PDE10A: variants seen among roughly 807,000 people sequenced by gnomAD.
PDE10A encodes the protein cAMP and cAMP-inhibited cGMP 3',5'-cyclic phosphodiesterase 10A.
In PDE10A, 39 loss-of-function variants were observed where a neutral mutation model predicts 97.7. The ratio of observed to expected loss-of-function variants is 0.40; its 90% confidence interval spans 0.31 to 0.52. The LOEUF is 0.52. PDE10A is among the 20% of genes least tolerant of loss of function. PDE10A has a pLI of 0.56. For missense variants in PDE10A, 731 were observed against 1,047.8 expected, an observed-to-expected ratio of 0.70 and a Z score of 4.17; for synonymous variants, 371 against 376.8, an observed-to-expected ratio of 0.98 and a Z score of 0.18.
At chr6:165,871,420 G>A (rs1408175315) in intron 1 of PDE10A, among the ~76,000 whole-genome samples, 4 of 152,218 alleles carry the variant, frequency 2.6e-5, no homozygotes, top group African/African-American at 9.6e-5. Flanking sequence ...TGGTGAGACA[G>A]CACTCCCGAT....
intron 1 of PDE10A, among the ~76,000 whole-genome samples, chr6:165,687,257 A>T (rs765636234): frequency 6.6e-5 from 10 of 152,236 alleles, no homozygotes; most frequent in African/African-American, 9.6e-5. Flanking sequence ...TGGGAGTTTC[A>T]TATCCACGTG....
chr6:165,931,937 C>T (rs991822668), intron 1 of PDE10A, among the ~76,000 whole-genome samples: 2 of 152,146 alleles, frequency 1.3e-5, no homozygotes, highest in East Asian at 1.9e-4. Flanking sequence ...CCACACCCTG[C>T]GGCTCTCATC....
At chr6:165,805,547 G>A (rs1297758858) in intron 1 of PDE10A, among the ~76,000 whole-genome samples, 1 of 151,712 alleles carries the variant, frequency 6.6e-6, no homozygotes, top group East Asian at 1.9e-4. Flanking sequence ...CCCCACCTTC[G>A]ACATCATTTA....
At chr6:165,974,112 G>A (rs1482327782) in intron 1 of PDE10A, among the ~76,000 whole-genome samples, 2 of 152,210 alleles carry the variant, frequency 1.3e-5, no homozygotes, top group African/African-American at 4.8e-5. Flanking sequence ...AGTAGCTAGA[G>A]GAGAGCTTCT....
At chr6:165,822,573 A>G (rs938434525) in intron 1 of PDE10A, among the ~76,000 whole-genome samples, 3 of 152,134 alleles carry the variant, frequency 2.0e-5, no homozygotes, top group Non-Finnish European at 4.4e-5. Flanking sequence ...GTATTTGTGT[A>G]TCTAAACATA....
intron 3 of PDE10A, among the ~76,000 whole-genome samples, chr6:165,474,730 T>A (rs578223779): frequency 9.2e-5 from 14 of 151,886 alleles, no homozygotes; most frequent in African/African-American, 3.1e-4. Context: ...AGGTTCTAAT[T>A]CCACTCTTAG....
chr6:165,592,711 CTCG>C (rs1786351128), intron 1 of PDE10A, among the ~76,000 whole-genome samples: 3 of 152,308 alleles, frequency 2.0e-5, no homozygotes, highest in Admixed American at 2.0e-4. Flanking sequence ...CCCAGCATCA[CTCG>C]TCATTAGAGA....
intron 1 of PDE10A, among the ~76,000 whole-genome samples, chr6:165,616,403 T>G (rs1787728459): frequency 6.6e-6 from 1 of 152,090 alleles, no homozygotes; most frequent in African/African-American, 2.4e-5. Flanking sequence ...TGGCAGGCAG[T>G]AGGAAAACAC....
At chr6:165,557,459 A>G (rs1020123713) in intron 1 of PDE10A, among the ~76,000 whole-genome samples, 6 of 152,218 alleles carry the variant, frequency 3.9e-5, no homozygotes, top group Non-Finnish European at 7.4e-5. Context: ...TTATTTAAAG[A>G]CTTTAAAAAT....
At chr6:165,523,570 A>G (rs1294865246) in intron 2 of PDE10A, among the ~76,000 whole-genome samples, 2 of 152,210 alleles carry the variant, frequency 1.3e-5, no homozygotes, top group Non-Finnish European at 2.9e-5. Context: ...AGCTATATGC[A>G]GAAGAAAGAA....
At chr6:165,435,214 C>T (rs752286455) in intron 6 of PDE10A, 23 bp downstream of exon 6, 3 of 1,594,244 alleles carry the variant, frequency 1.9e-6, no homozygotes, top group Admixed American at 1.7e-5. Context: ...AAAAGTGTCA[C>T]AAAGAATCAA....
At chr6:165,916,877 A>G (rs1280237337) in intron 1 of PDE10A, among the ~76,000 whole-genome samples, 1 of 151,792 alleles carries the variant, frequency 6.6e-6, no homozygotes, top group East Asian at 1.9e-4. Flanking sequence ...ACCGTGGGCC[A>G]CCTCCCACTC....
At position 165,625,703 on chromosome 6, in the gene PDE10A, CT is replaced by C. The variant is rs1788350881; in HGVS notation, c.865+36243del. Among the ~76,000 whole-genome samples the C allele has an allele frequency of 1.3e-5, 2 of 152,030 alleles. 1 individual carries two copies. Among genetic ancestry groups the C allele is most frequent in the African/African-American group, 4.8e-5 (2 of 41,346 alleles). On this transcript the variant is annotated intron_variant, in intron 1 of 21. Transcript: ENST00000539869. The stretch of plus-strand genomic sequence containing the variant: ...TATGGTTTTATAAGGGGAAGTTTCC[CT>C]GCACAAATTCTCTCTTGCTGCCATG...
At chr6:165,595,135 C>T (rs923310429) in intron 1 of PDE10A, among the ~76,000 whole-genome samples, 1 of 152,192 alleles carries the variant, frequency 6.6e-6, no homozygotes, top group Non-Finnish European at 1.5e-5. Context: ...CAGGTCCAGC[C>T]ATGTGGAAAT....
At chr6:165,852,708 T>C (rs543110033) in intron 1 of PDE10A, among the ~76,000 whole-genome samples, 1 of 152,304 alleles carries the variant, frequency 6.6e-6, no homozygotes, top group South Asian at 2.1e-4. Context: ...ATTACTTCAC[T>C]GTACAATGAA....
intron 1 of PDE10A, among the ~76,000 whole-genome samples, chr6:165,867,255 C>A (rs1193097074): frequency 6.7e-6 from 1 of 149,206 alleles, no homozygotes; most frequent in African/African-American, 2.5e-5. Flanking sequence ...CCATGAGACC[C>A]AAGTATAATT....
chr6:165,850,471 A>C (rs1240688383), intron 1 of PDE10A, among the ~76,000 whole-genome samples: 2 of 152,208 alleles, frequency 1.3e-5, no homozygotes. Context: ...GCTGAGGAGT[A>C]TATTGTACCC....
intron 1 of PDE10A, among the ~76,000 whole-genome samples, chr6:165,619,479 C>CTAGTGTAGTCTAGTG (rs1787983354): frequency 3.3e-3 from 60 of 18,124 alleles, no homozygotes; most frequent in Non-Finnish European, 4.2e-3. Flanking sequence ...GTAGTGTAGT[C>CTAGTGTAGTCTAGTG]TAGTGTAGTC....
intron 1 of PDE10A, among the ~76,000 whole-genome samples, chr6:165,716,871 T>C (rs1387277169): frequency 3.9e-5 from 6 of 152,208 alleles, no homozygotes; most frequent in Non-Finnish European, 7.3e-5. Context: ...AAATTCATCA[T>C]TGTAAGCATT....
Sources: allele counts gnomAD v4.1 joint callset (sites outside exome capture counted in the v4.1 genomes callset), GRCh38; gene constraint gnomAD v4.1.1; transcripts MANE v1.5; gene names NCBI Gene and HGNC (gene_info 2026-07-23, HGNC 2026-07-21).